Variants in GALK2 observed in about 807,000 individuals in gnomAD.
GALK2 encodes N-acetylgalactosamine kinase.
In GALK2, 36 loss-of-function variants were observed where a neutral mutation model predicts 52.4. The ratio of observed to expected loss-of-function variants is 0.69; its 90% CI spans 0.53 to 0.91. The LOEUF (loss-of-function observed/expected upper bound fraction) is 0.91, where lower values mean the gene tolerates loss of function less well. Ranked by LOEUF, GALK2 falls within the 40% of genes least tolerant of loss-of-function variation. The pLI, the probability that GALK2 is intolerant of heterozygous loss-of-function variation, is 0.00. For missense variants in GALK2, 579 were observed against 559.1 expected (o/e 1.04, Z -0.36); for synonymous variants, 176 against 199.1 (o/e 0.88, Z 0.98).
chr15:49,196,642 A>T (rs1024056705), intron 1 of GALK2, among the ~76,000 whole-genome samples: 8 of 152,180 alleles, frequency 5.3e-5, no homozygotes, highest in African/African-American at 1.9e-4. Context: ...TATCAAGTTT[A>T]TTGAGTCTTT....
intron 1 of GALK2, among the ~76,000 whole-genome samples, chr15:49,192,525 A>ATATATATG (rs1555400547): frequency 2.4e-5 from 3 of 123,146 alleles, no homozygotes; most frequent in African/African-American, 9.1e-5. Context: ...ATATATATAT[A>ATATATATG]GTTGGAGGTG....
downstream of GALK2, chr15:49,335,566 G>C: frequency 8.9e-7 from 1 of 1,117,830 alleles, no homozygotes; most frequent in Non-Finnish European, 1.4e-6. Flanking sequence ...ACCCTTCACA[G>C]AGGAACCAAG....
intron 1 of GALK2, among the ~76,000 whole-genome samples, chr15:49,198,534 A>G (rs1366279098): frequency 3.9e-5 from 6 of 152,150 alleles, no homozygotes. Flanking sequence ...ACCTGACTGC[A>G]CAGGCCCTGT....
At chr15:49,250,020 C>T (rs575895445) in intron 5 of GALK2, among the ~76,000 whole-genome samples, 12 of 152,108 alleles carry the variant, frequency 7.9e-5, no homozygotes, top group South Asian at 4.1e-4. Flanking sequence ...CAATGGAAAC[C>T]GGACATAGCA....
intron 5 of GALK2, among the ~76,000 whole-genome samples, chr15:49,262,391 A>T (rs1268889968): frequency 6.6e-6 from 1 of 151,968 alleles, no homozygotes; most frequent in Admixed American, 6.6e-5. Flanking sequence ...GGTAGTTTGT[A>T]TTTCTGTGGG....
At chr15:49,307,287 A>T (rs552449732) in intron 8 of GALK2, among the ~76,000 whole-genome samples, 45 of 152,214 alleles carry the variant, frequency 3.0e-4, no homozygotes, top group African/African-American at 1.0e-3. Context: ...CAACCATACC[A>T]TTTGGGGGAC....
At chr15:49,322,353 C>T (rs1474553561) in intron 9 of GALK2, among the ~76,000 whole-genome samples, 2 of 152,096 alleles carry the variant, frequency 1.3e-5, no homozygotes, top group Non-Finnish European at 2.9e-5. Context: ...ATATAGGGTC[C>T]AAGTTTTCCA....
intron 8 of GALK2, among the ~76,000 whole-genome samples, chr15:49,315,845 C>T (rs1596082212): frequency 6.6e-6 from 1 of 152,132 alleles, no homozygotes; most frequent in Non-Finnish European, 1.5e-5. Context: ...GCAGGGTGTA[C>T]TGTGAATGCT....
At chr15:49,272,615 G>T (rs555940411) in intron 5 of GALK2, among the ~76,000 whole-genome samples, 14 of 152,204 alleles carry the variant, frequency 9.2e-5, no homozygotes, top group Admixed American at 2.6e-4. Flanking sequence ...TTACCTTTTA[G>T]ATTCATGTTA....
At chr15:49,190,232 G>A (rs2086635774) in intron 1 of GALK2, among the ~76,000 whole-genome samples, 1 of 152,140 alleles carries the variant, frequency 6.6e-6, no homozygotes, top group Admixed American at 6.5e-5. Context: ...TGTATTCATG[G>A]ATTCATGGTA....
intron 1 of GALK2, among the ~76,000 whole-genome samples, chr15:49,158,246 A>G (rs1232038182): frequency 6.6e-6 from 1 of 152,220 alleles, no homozygotes; most frequent in Non-Finnish European, 1.5e-5. Context: ...TGGAAATGAT[A>G]CAGAAGATGC....
chr15:49,279,953 A>C (rs1428038154), intron 5 of GALK2, among the ~76,000 whole-genome samples: 3 of 152,262 alleles, frequency 2.0e-5, no homozygotes, highest in Non-Finnish European at 4.4e-5. Context: ...AGTTAATGTT[A>C]GTGAATCCAC....
At position 49,217,977 on chromosome 15, in the gene GALK2, G is replaced by T. The variant is rs150956983; in HGVS notation, c.266+664G>T. On this transcript the variant is annotated intron_variant, in intron 3 of 9. Transcript: ENST00000560031. ...TAAAAATATGGTGAATTAGTCTGAC[G>T]AATTTTCTAATGTTGAGCCCTTTTT... 6.6e-5 allele frequency among the ~76,000 whole-genome samples: 10 copies of T among 152,228 alleles called. No homozygotes were observed. The East Asian group carries it at 7.7e-4, about 12-fold the overall frequency.
chr15:49,333,504 G>A (rs1043105831), downstream of GALK2, among the ~76,000 whole-genome samples: 1 of 152,148 alleles, frequency 6.6e-6, no homozygotes, highest in African/African-American at 2.4e-5. Flanking sequence ...TTGATTTTTG[G>A]AAACTTGTAA....
chr15:49,276,817 A>AATTATTT (rs1355436960), intron 5 of GALK2, among the ~76,000 whole-genome samples: 1 of 150,056 alleles, frequency 6.7e-6, no homozygotes, highest in East Asian at 1.9e-4. Context: ...TTTATTTATT[A>AATTATTT]ATTATTTATT....
In GALK2 at chr15:49,170,369, A is replaced by T; in HGVS notation, c.47A>T (p.His16Leu). 2 of 1,591,078 alleles carry T rather than the reference A, an allele frequency of 1.3e-6. No individual in the cohort carries two copies. The highest frequency in any genetic ancestry group is 1.7e-6 in the Non-Finnish European group (2 of 1,169,038). The change falls in exon 1 of 10, where the codon CAT (histidine) becomes CTT (leucine). Residue 16 changes from histidine (H) to leucine (L), a missense_variant. Physicochemically the swap from His to Leu is moderately conservative, Grantham distance 99 (BLOSUM62 -3). Transcript: ENST00000560031. ...PATRRVQVAE[H>L]PRLLKLKEMF... ...ACGCGTCGGGTCCAGGTGGCAGAAC[A>T]TCCTAGGTGGGGGAGAGGAGACGCC...
intron 9 of GALK2, among the ~76,000 whole-genome samples, chr15:49,324,671 T>C (rs552066425): frequency 3.9e-5 from 6 of 152,312 alleles, no homozygotes; most frequent in Non-Finnish European, 7.3e-5. Flanking sequence ...TAGAAACTGC[T>C]AGAAGTTCCC....
chr15:49,228,687 A>ATATACATATATT (rs1555409061), intron 3 of GALK2, among the ~76,000 whole-genome samples: 4 of 14,274 alleles, frequency 2.8e-4, no homozygotes, highest in African/African-American at 1.4e-3. Context: ...ATATATATAT[A>ATATACATATATT]TTTTTTTTTT....
chr15:49,207,018 G>T (rs2088349045), intron 2 of GALK2, among the ~76,000 whole-genome samples: 1 of 152,100 alleles, frequency 6.6e-6, no homozygotes. Flanking sequence ...TCCCTTTTAT[G>T]TCAATTTTGC....
Sources: allele counts gnomAD v4.1 joint callset (sites outside exome capture counted in the v4.1 genomes callset), GRCh38; gene constraint gnomAD v4.1.1; transcripts MANE v1.5; gene names NCBI Gene and HGNC (gene_info 2026-07-23, HGNC 2026-07-21).